The following ZMIZ1 variants were observed in gnomAD, a reference collection of about 807,000 sequenced individuals.
The protein encoded by ZMIZ1 is zinc finger MIZ-type containing 1.
Under a neutral mutation model 113.9 loss-of-function variants are expected in ZMIZ1, and 17 were observed. The ratio of observed to expected loss-of-function variants is 0.15; its 90% CI spans 0.10 to 0.22. The LOEUF (loss-of-function observed/expected upper bound fraction) is 0.22. Among genes scored for constraint, ZMIZ1 ranks in the 10% least tolerant of loss-of-function variants. The probability of loss-of-function intolerance (pLI) is 1.00; values close to 1 mark genes in which losing one functional copy is unlikely to be tolerated. For missense variants in ZMIZ1, 1,059 were observed against 1,477.8 expected (o/e 0.72, Z 4.65); for synonymous variants, 607 against 603.1 (o/e 1.01, Z -0.09).
intron 21 of ZMIZ1, 113 bp downstream of exon 21, chr10:79,305,714 C>A: frequency 1.8e-6 from 2 of 1,091,960 alleles, no homozygotes; most frequent in Non-Finnish European, 2.8e-6. Flanking sequence ...GCCAGCAGAC[C>A]GTGACCCACA....
chr10:79,298,306 G>A, intron 14 of ZMIZ1, 100 bp from the exon 15 acceptor site: 1 of 1,345,812 alleles, frequency 7.4e-7, no homozygotes, highest in Non-Finnish European at 1.0e-6. Context: ...CGAGGGGCAT[G>A]GCTCCAGGCC....
At position 79,313,734 on chromosome 10, in the gene ZMIZ1, G is replaced by A. The variant is rs1236817282; in HGVS notation, c.*985G>A. The A allele has an allele frequency of 2.3e-5, 7 of 301,882 alleles. No homozygotes were observed. Among genetic ancestry groups the A allele is most frequent in the Non-Finnish European group, 3.9e-5 (6 of 152,372 alleles). The allele number at this position is 301,882 out of a possible 1,614,324, so 18.7% of individuals were successfully genotyped here. ...AAGGAACGTTGCTCTTGGACAGCAA[G>A]CAAACCATTTCTCTCCGTCTGTTCT... is the stretch of plus-strand genomic sequence containing the variant. On this transcript the variant is annotated 3_prime_UTR_variant, in exon 25 of 25. Transcript: ENST00000334512.
At chr10:79,249,644 C>T (rs1850423062) in intron 7 of ZMIZ1, among the ~76,000 whole-genome samples, 1 of 152,204 alleles carries the variant, frequency 6.6e-6, no homozygotes, top group Non-Finnish European at 1.5e-5. Context: ...TTCAGTTCCT[C>T]AGTCACAGTA....
intron 1 of ZMIZ1, among the ~76,000 whole-genome samples, chr10:79,089,465 A>G (rs866796904): frequency 6.6e-6 from 1 of 152,130 alleles, no homozygotes; most frequent in Non-Finnish European, 1.5e-5. Context: ...GGTCTGGTAC[A>G]ATTGAAGTCT....
chr10:79,253,926 A>C (rs2132900077), intron 7 of ZMIZ1, among the ~76,000 whole-genome samples: 1 of 152,294 alleles, frequency 6.6e-6, no homozygotes, highest in East Asian at 1.9e-4. Context: ...ACACTCATGC[A>C]CACACTCACT....
chr10:79,136,361 G>A (rs1845007585), intron 2 of ZMIZ1, among the ~76,000 whole-genome samples: 1 of 152,220 alleles, frequency 6.6e-6, no homozygotes, highest in Non-Finnish European at 1.5e-5. Flanking sequence ...TTCTGTCTGT[G>A]GCAAGGACCC....
At chr10:79,121,434 C>T (rs1844288648) in intron 2 of ZMIZ1, among the ~76,000 whole-genome samples, 1 of 152,236 alleles carries the variant, frequency 6.6e-6, no homozygotes, top group South Asian at 2.1e-4. Context: ...ACCTAGTATT[C>T]CCAGGCATAC....
chr10:79,292,955 A>G (rs1231463664), intron 11 of ZMIZ1: 1 of 457,728 alleles, frequency 2.2e-6, no homozygotes, highest in Non-Finnish European at 4.3e-6. Context: ...CCACTGGCCC[A>G]GGACCAAGGG....
At chr10:79,307,282 ACC>A in intron 22 of ZMIZ1, 121 bp from the exon 23 acceptor site, 2 of 965,358 alleles carry the variant, frequency 2.1e-6, no homozygotes, top group Non-Finnish European at 3.1e-6. Context: ...GGCTGCTGTG[ACC>A]TACTACAGCC....
intron 1 of ZMIZ1, among the ~76,000 whole-genome samples, chr10:79,105,454 GCTT>G (rs1478234567): frequency 6.6e-6 from 1 of 152,222 alleles, no homozygotes; most frequent in East Asian, 1.9e-4. Flanking sequence ...ACTGAACTGA[GCTT>G]CTTTCTGCTC....
intron 4 of ZMIZ1, among the ~76,000 whole-genome samples, chr10:79,201,127 G>A (rs2802370): frequency 0.43 from 65,393 of 151,898 alleles, 14,380 homozygotes; most frequent in Non-Finnish European, 0.49. Context: ...GGCCAACATG[G>A]TGAAACTCCG....
At chr10:79,301,071 C>A in intron 17 of ZMIZ1, 129 bp downstream of exon 17, 2 of 1,353,620 alleles carry the variant, frequency 1.5e-6, no homozygotes, top group Non-Finnish European at 2.0e-6. Context: ...TGCCCACAGC[C>A]GCCAAAGATA....
intron 8 of ZMIZ1, among the ~76,000 whole-genome samples, chr10:79,289,197 TGCA>T (rs758260709): frequency 3.3e-5 from 5 of 151,856 alleles, no homozygotes; most frequent in Non-Finnish European, 7.4e-5. Flanking sequence ...GGAGAGGGTG[TGCA>T]GCAGGTAGGC....
chr10:79,193,679 C>G (rs703968), intron 4 of ZMIZ1, among the ~76,000 whole-genome samples: 112,806 of 151,962 alleles, frequency 0.74, 43,135 homozygotes, highest in African/African-American at 0.91. Context: ...TGTGTGACAG[C>G]GACATGGAGG....
In ZMIZ1 at chr10:79,118,874, C is replaced by A. The variant is rs969402544; in HGVS notation, c.-336-41C>A. On this transcript the variant is annotated intron_variant, in intron 1 of 24. Transcript: ENST00000334512. This position sits in a 1 kb window ranked among gnomAD's most constrained non-coding sequence, Gnocchi z 4.1. ...GTGGGTGAGGGGCTGCCCGCAGGGTCAGAGCTTGGAGCTCACTGCCCCCTT... is the reference window on the plus strand; with the variant it reads ...GTGGGTGAGGGGCTGCCCGCAGGGTAAGAGCTTGGAGCTCACTGCCCCCTT... The A allele has an allele frequency of 5.9e-5, 9 of 152,384 alleles. No homozygotes were observed. Among genetic ancestry groups the A allele is most frequent in the Admixed American group, 3.9e-4 (6 of 15,288 alleles). 9.4% of individuals were successfully genotyped at this position (152,384 alleles called of 1,614,324 possible).
Position 79,296,180 on chromosome 10 carries a change from C to T in ZMIZ1, c.1231-291C>T. On this transcript the variant is annotated intron_variant, in intron 12 of 24. Transcript: ENST00000334512. The surrounding 1 kb of genome is among the most constrained non-coding windows in gnomAD (Gnocchi z 4.1). Reference sequence around the variant, plus strand: ...AAGGTCGGGGGAGTTAGAATCAGGCCCCTCATAATGGTGTGAGCAAGAGGC... The same window carrying T: ...AAGGTCGGGGGAGTTAGAATCAGGCTCCTCATAATGGTGTGAGCAAGAGGC... 2.2e-6 allele frequency: 1 copy of T among 451,570 alleles called. No homozygotes were observed. Among genetic ancestry groups the T allele is most frequent in the Non-Finnish European group, 4.0e-6 (1 of 251,534 alleles). The allele number at this position is 451,570 out of a possible 1,614,324, so 28.0% of individuals were successfully genotyped here. A position where few individuals can be genotyped will look rare whatever the true frequency, so the allele number is the denominator to read the frequency against.
intron 7 of ZMIZ1, among the ~76,000 whole-genome samples, chr10:79,269,456 A>AACACACACACACACACACAC (rs55634343): frequency 0.014 from 1,911 of 138,460 alleles, 26 homozygotes; most frequent in African/African-American, 0.017. Flanking sequence ...ACCTCCCCCC[A>AACACACACACACACACACAC]ACACACACAC....
intron 17 of ZMIZ1, among the ~76,000 whole-genome samples, chr10:79,301,838 T>TA (rs1358899157): frequency 1.3e-5 from 2 of 152,012 alleles, no homozygotes; most frequent in Non-Finnish European, 2.9e-5. Context: ...TAGGGGAGGT[T>TA]AGGAAGCAAA....
At chr10:79,159,858 A>C (rs1356664891) in intron 3 of ZMIZ1, among the ~76,000 whole-genome samples, 3 of 152,138 alleles carry the variant, frequency 2.0e-5, no homozygotes, top group Non-Finnish European at 4.4e-5. Context: ...CCCTTTGCAC[A>C]AGCCCAACAC....
Sources: gnomAD v4.1 joint callset for allele counts (sites outside exome capture counted in the v4.1 genomes callset) on GRCh38, gnomAD v4.1.1 for gene constraint, Gnocchi (gnomAD v3.1) non-coding constraint, MANE v1.5 for transcripts, NCBI Gene and HGNC (gene_info 2026-07-23, HGNC 2026-07-21) for gene names.